Variants in TENM2 observed in about 807,000 individuals in gnomAD.
TENM2 encodes the protein teneurin transmembrane protein 2, also known as teneurin-2.
Under a neutral mutation model 245.2 loss-of-function variants are expected in TENM2, and 52 were observed. The ratio of observed to expected loss-of-function variants is 0.21; its 90% CI spans 0.17 to 0.27. TENM2 has a LOEUF of 0.27. Ranked by LOEUF, TENM2 falls within the 10% of genes least tolerant of loss-of-function variation. TENM2 has a pLI of 1.00. For missense variants in TENM2, 3,046 were observed against 3,666.8 expected, an observed-to-expected ratio of 0.83 and a Z score of 4.37; for synonymous variants, 1,363 against 1,438.9, an observed-to-expected ratio of 0.95 and a Z score of 1.19.
rs1791374721 is a variant in TENM2 at position 168,075,307 on chromosome 5, A to G, written c.1515+13042A>G. On this transcript the variant is annotated intron_variant, in intron 7 of 28. Coordinates refer to ENST00000518659, the Ensembl canonical transcript of TENM2. ...CTGAGTAGTATTCCATGGTATATATATACCACATTTTCTTTATCCACTTGT... is the reference window on the plus strand; with the variant it reads ...CTGAGTAGTATTCCATGGTATATATGTACCACATTTTCTTTATCCACTTGT... 3.3e-5 allele frequency among the ~76,000 whole-genome samples: 5 copies of G among 152,282 alleles called. No homozygotes were observed. The South Asian group carries it at 1.0e-3, about 32-fold the overall frequency.
At chr5:167,871,941 G>A (rs1772861683) in intron 2 of TENM2, among the ~76,000 whole-genome samples, 1 of 152,130 alleles carries the variant, frequency 6.6e-6, no homozygotes, top group South Asian at 2.1e-4. Context: ...AGTTGGAATA[G>A]TCAGGGGGGA....
chr5:167,385,896 G>C (rs930475066), intron 2 of TENM2, among the ~76,000 whole-genome samples: 3 of 142,354 alleles, frequency 2.1e-5, no homozygotes, highest in Non-Finnish European at 3.1e-5. Context: ...GTGTGTGTGT[G>C]TGTGTTACAG....
intron 3 of TENM2, among the ~76,000 whole-genome samples, chr5:167,898,941 G>T (rs192909718): frequency 3.7e-4 from 56 of 152,224 alleles, no homozygotes; most frequent in Admixed American, 8.5e-4. Flanking sequence ...GGATTGGCTC[G>T]ATGGTCATAT....
chr5:167,216,226 G>C, the TENM2 span, among the ~76,000 whole-genome samples: 1 of 152,202 alleles, frequency 6.6e-6, no homozygotes, highest in African/African-American at 2.4e-5. Context: ...GGCCAGCCTT[G>C]CTTCCACCTA....
chr5:168,217,816 C>T (rs1166219090), intron 22 of TENM2, among the ~76,000 whole-genome samples: 2 of 152,128 alleles, frequency 1.3e-5, no homozygotes, highest in Admixed American at 6.5e-5. Flanking sequence ...CCTGTGCAAC[C>T]ATATGTAACA....
chr5:167,494,780 C>A (rs1237002442), intron 2 of TENM2, among the ~76,000 whole-genome samples: 1 of 152,072 alleles, frequency 6.6e-6, no homozygotes, highest in Non-Finnish European at 1.5e-5. Context: ...TAACTGTCTA[C>A]CTTAGTCTGT....
At chr5:167,364,453 A>G (rs943024674) in intron 1 of TENM2, among the ~76,000 whole-genome samples, 3 of 152,172 alleles carry the variant, frequency 2.0e-5, no homozygotes, top group African/African-American at 7.2e-5. Flanking sequence ...AAATCCAGTC[A>G]TATCAATAAT....
the TENM2 span, among the ~76,000 whole-genome samples, chr5:167,144,177 T>A: frequency 6.6e-6 from 1 of 152,120 alleles, no homozygotes; most frequent in Admixed American, 6.6e-5. Context: ...AATTGTTAAA[T>A]GGCAAAGAGT....
chr5:168,098,909 T>G (rs1218478387), intron 9 of TENM2, among the ~76,000 whole-genome samples: 4 of 152,126 alleles, frequency 2.6e-5, no homozygotes, highest in Non-Finnish European at 5.9e-5. Flanking sequence ...TATTTCATTT[T>G]TTATTTTATT....
intron 2 of TENM2, among the ~76,000 whole-genome samples, chr5:167,700,840 T>C (rs1758090283): frequency 6.6e-6 from 1 of 151,868 alleles, no homozygotes; most frequent in Admixed American, 6.6e-5. Flanking sequence ...ATCGATTCTA[T>C]GTTCAGTACC....
At chr5:167,470,302 A>G (rs187669582) in intron 2 of TENM2, among the ~76,000 whole-genome samples, 225 of 152,180 alleles carry the variant, frequency 1.5e-3, no homozygotes, top group African/African-American at 4.1e-3. Flanking sequence ...ATAATTGCCT[A>G]TATTTTGTGA....
chr5:167,735,933 G>A (rs1448760655), intron 2 of TENM2, among the ~76,000 whole-genome samples: 1 of 152,172 alleles, frequency 6.6e-6, no homozygotes, highest in African/African-American at 2.4e-5. Flanking sequence ...TGTACTTGTA[G>A]CATATACAAT....
chr5:167,960,354 C>T (rs1309785867), intron 4 of TENM2, among the ~76,000 whole-genome samples: 1 of 152,212 alleles, frequency 6.6e-6, no homozygotes, highest in Non-Finnish European at 1.5e-5. Context: ...CTATAAGCCT[C>T]TGACTGGGTC....
At chr5:167,045,016 A>G in the TENM2 span, among the ~76,000 whole-genome samples, 82 of 152,232 alleles carry the variant, frequency 5.4e-4, no homozygotes, top group Non-Finnish European at 7.2e-4. Context: ...GGGGAAGAGA[A>G]CACTAGAATG....
At chr5:168,087,935 G>T (rs1792601773) in intron 7 of TENM2, among the ~76,000 whole-genome samples, 1 of 152,070 alleles carries the variant, frequency 6.6e-6, no homozygotes, top group Non-Finnish European at 1.5e-5. Flanking sequence ...AATGAAAACT[G>T]CCCTCTGTGC....
the TENM2 span, among the ~76,000 whole-genome samples, chr5:167,017,564 C>T: frequency 6.6e-6 from 1 of 152,166 alleles, no homozygotes; most frequent in South Asian, 2.1e-4. Context: ...TCTAGCTTGC[C>T]ATCTCCTGAG....
intron 2 of TENM2, among the ~76,000 whole-genome samples, chr5:167,811,576 T>C (rs1164484636): frequency 6.6e-6 from 1 of 152,136 alleles, no homozygotes; most frequent in African/African-American, 2.4e-5. Context: ...AGGAATTTCT[T>C]TATGGAAATG....
chr5:167,895,255 CCTT>C (rs1241540622), intron 3 of TENM2, among the ~76,000 whole-genome samples: 2 of 152,060 alleles, frequency 1.3e-5, no homozygotes, highest in African/African-American at 2.4e-5. Context: ...TCCTCTCCTT[CCTT>C]CTTCTTTCTC....
At chr5:167,207,343 C>T in the TENM2 span, among the ~76,000 whole-genome samples, 1 of 152,224 alleles carries the variant, frequency 6.6e-6, no homozygotes, top group African/African-American at 2.4e-5. Flanking sequence ...TGAGTATAGT[C>T]ACTGAGTTCC....
Sources: allele counts gnomAD v4.1 joint callset (sites outside exome capture counted in the v4.1 genomes callset), GRCh38; gene constraint gnomAD v4.1.1; transcripts MANE v1.5; gene names NCBI Gene and HGNC (gene_info 2026-07-23, HGNC 2026-07-21).